The following OR6B2 variants were observed in gnomAD, a reference collection of about 807,000 sequenced individuals.
OR6B2 encodes the protein olfactory receptor 6B2.
For missense variants in OR6B2, 275 were observed against 386.8 expected (o/e 0.71, Z 2.42); for synonymous variants, 155 against 171.5 (o/e 0.90, Z 0.75).
rs774621818 is a variant in OR6B2, at chr2:240,030,405, C to T, written c.25G>A (p.Val9Ile). 5.9e-5 allele frequency: 95 copies of T among 1,609,654 alleles called. No homozygotes were observed. The highest frequency in any genetic ancestry group is 7.9e-5 in the Non-Finnish European group (93 of 1,176,124). ...AGGCCCACCAGGATGAAGGTGCTGA[C>T]CTTGGTGACATTCTCCCCACTCATG... Reference protein sequence around the residue: MSGENVTKVSTFILVGLPT... With the variant: MSGENVTKISTFILVGLPT... The change falls in exon 1 of 1, where the codon GTC becomes ATC. Residue 9 changes from valine (V) to isoleucine (I), a missense_variant. By Grantham distance (29) the Val-to-Ile change is conservative (BLOSUM62 3). Transcript: ENST00000319423.
In OR6B2 at chr2:240,030,070, G is replaced by A. The variant is rs756910585; in HGVS notation, c.360C>T (p.Tyr120=). The change falls in exon 1 of 1, where the codon TAC becomes TAT. Residue 120 remains tyrosine (Y), a synonymous_variant. Coordinates refer to ENST00000319423, the MANE Select transcript of OR6B2 (RefSeq NM_001005853.1). ...GGTGGCAGATGGCCACGTAGCGGTC[G>A]TAGGCCATGGAGGCCAGAAGCACAC... ...TECVLLASMA[Y]DRYVAICHPL... is the part of the protein sequence containing the mutation. The A allele has an allele frequency of 1.7e-5, 24 of 1,449,082 alleles. No homozygotes were observed. Among genetic ancestry groups the A allele is most frequent in the African/African-American group, 7.0e-5 (5 of 71,528 alleles). The allele number at this position is 1,449,082 out of a possible 1,614,324, so 89.8% of individuals were successfully genotyped here.
chr2:240,029,942 A>G lies in OR6B2; in HGVS notation c.488T>C (p.Ile163Thr), dbSNP rs549288344. 1.2e-4 allele frequency: 178 copies of G among 1,441,302 alleles called. 6 individuals are homozygous for G. The South Asian group carries it at 2.1e-3, about 17-fold the overall frequency. The allele number at this position is 1,441,302 out of a possible 1,614,324, so 89.3% of individuals were successfully genotyped here. A position where few individuals can be genotyped will look rare whatever the true frequency, so the allele number is the denominator to read the frequency against. The change falls in exon 1 of 1, where the codon ATC becomes ACC. Residue 163 changes from isoleucine to threonine, a missense_variant. Ile to Thr is a moderately conservative substitution (Grantham distance 89). Coordinates refer to ENST00000319423, the MANE Select transcript of OR6B2 (RefSeq NM_001005853.1). This position sits in a 1 kb window ranked among gnomAD's most constrained non-coding sequence, Gnocchi z 5.2. Reference sequence around the variant, plus strand: ...GGAGCCACAGAACGTGACGCTGGAGATAAAACAGACCTTGATCATGGAGAT... The same window carrying G: ...GGAGCCACAGAACGTGACGCTGGAGGTAAAACAGACCTTGATCATGGAGAT... ...FTISMIKVCF[I>T]SSVTFCGSNV...
rs770553143 is a variant in OR6B2, at chr2:240,029,913, C to T, written c.517G>A (p.Val173Ile). ...ATGTCACAGAAGAAGTGGTTCAAGA[C>T]GTTGGAGCCACAGAACGTGACGCTG... The part of the protein sequence containing the change: ...ISSVTFCGSN[V>I]LNHFFCDISP... The change falls in exon 1 of 1, where the codon GTC (valine) becomes ATC (isoleucine). Residue 173 changes from valine to isoleucine, a missense_variant. Coordinates refer to ENST00000319423, the MANE Select transcript of OR6B2 (RefSeq NM_001005853.1). The surrounding 1 kb of genome is among the most constrained non-coding windows in gnomAD (Gnocchi z 5.2). 3.4e-5 allele frequency: 49 copies of T among 1,447,570 alleles called. No individual in the cohort carries two copies. In the East Asian group the frequency reaches 5.0e-4, roughly 15 times the overall value. 89.7% of individuals were successfully genotyped at this position (1,447,570 alleles called of 1,614,324 possible).
Position 240,029,794 on chromosome 2 carries a change from C to G in OR6B2, c.636G>C (p.Leu212=). The change falls in exon 1 of 1, where the codon CTG becomes CTC. Residue 212 remains leucine (L), a synonymous_variant. Transcript: ENST00000319423. The surrounding 1 kb of genome is among the most constrained non-coding windows in gnomAD (Gnocchi z 5.2). ...TGTGCCAATATGACAGTATGGTGGC[C>G]AGGAGCGGAAACACCAGGATGATGA... The part of the protein sequence containing the change: ...LAFIILVFPL[L]ATILSYWHIT... The G allele has an allele frequency of 6.2e-7, 1 of 1,611,642 alleles. No homozygotes were observed. The highest frequency in any genetic ancestry group is 8.5e-7 in the Non-Finnish European group (1 of 1,177,728).
Position 240,030,227 on chromosome 2 carries a change from A to C in OR6B2, c.203T>G (p.Phe68Cys). Residue 68 changes from phenylalanine to cysteine, a missense_variant, in exon 1 of 1, where the codon TTC (phenylalanine) becomes TGC (cysteine). By Grantham distance (205) the Phe-to-Cys change is radical. Transcript: ENST00000319423. ...GTCAGACACGTACCAGATCTCCAGG[A>C]AAGACATGGAGCTCAGAAAGTAGTA... Reference protein sequence around the residue: ...PMYYFLSSMSFLEIWYVSDIT... With the variant: ...PMYYFLSSMSCLEIWYVSDIT... 6.2e-7 allele frequency: 1 copy of C among 1,613,650 alleles called. No homozygotes were observed. Among genetic ancestry groups the C allele is most frequent in the African/African-American group, 1.3e-5 (1 of 75,030 alleles).
At position 240,030,061 on chromosome 2, in the gene OR6B2, G is replaced by A. The variant is rs765428596; in HGVS notation, c.369C>T (p.Tyr123=). 1.6e-5 allele frequency: 23 copies of A among 1,439,516 alleles called. No homozygotes were observed. Among genetic ancestry groups the A allele is most frequent in the East Asian group, 4.6e-5 (2 of 43,902 alleles). 89.2% of individuals were successfully genotyped at this position (1,439,516 alleles called of 1,614,324 possible). A position where few individuals can be genotyped will look rare whatever the true frequency, so the allele number is the denominator to read the frequency against. Reference sequence around the variant, plus strand: ...AGCGCAGCGGGTGGCAGATGGCCACGTAGCGGTCGTAGGCCATGGAGGCCA... The same window carrying A: ...AGCGCAGCGGGTGGCAGATGGCCACATAGCGGTCGTAGGCCATGGAGGCCA... ...VLLASMAYDR[Y]VAICHPLRYH... The change falls in exon 1 of 1, where the codon TAC becomes TAT. Residue 123 remains tyrosine (Y), a synonymous_variant. Coordinates refer to ENST00000319423, the MANE Select transcript of OR6B2 (RefSeq NM_001005853.1).
rs779659917 is a variant in OR6B2, at chr2:240,030,099, C to T, written c.331G>A (p.Glu111Lys). 45 of 1,494,612 alleles carry T rather than the reference C, an allele frequency of 3.0e-5. No homozygotes were observed. The highest frequency in any genetic ancestry group is 2.4e-4 in the African/African-American group (17 of 72,262). The allele number at this position is 1,494,612 out of a possible 1,614,324, so 92.6% of individuals were successfully genotyped here. ...LYFFSSLVCT[E>K]CVLLASMAYD... Reference sequence around the variant, plus strand: ...GCCATGGAGGCCAGAAGCACACACTCGGTGCACACCAGGGAGCTGAAGAAG... The same window carrying T: ...GCCATGGAGGCCAGAAGCACACACTTGGTGCACACCAGGGAGCTGAAGAAG... Residue 111 changes from glutamate (E) to lysine (K), a missense_variant, in exon 1 of 1, where the codon GAG (glutamate) becomes AAG (lysine). By Grantham distance (56) the Glu-to-Lys change is moderately conservative. Transcript: ENST00000319423.
rs748708084 is a variant in OR6B2, at chr2:240,030,034, G to A, written c.396C>T (p.Tyr132=). Residue 132 remains tyrosine, a synonymous_variant, in exon 1 of 1, where the codon TAC becomes TAT. Coordinates refer to ENST00000319423, the MANE Select transcript of OR6B2 (RefSeq NM_001005853.1). ...RYVAICHPLR[Y]HVLVTPGLCL... is the part of the protein sequence containing the mutation. Reference sequence around the variant, plus strand: ...ACAGCCCCGGGGTCACAAGGACGTGGTAGCGCAGCGGGTGGCAGATGGCCA... The same window carrying A: ...ACAGCCCCGGGGTCACAAGGACGTGATAGCGCAGCGGGTGGCAGATGGCCA... 31 of 1,400,134 alleles carry A rather than the reference G, an allele frequency of 2.2e-5. 1 individual carries two copies. In the South Asian group the frequency reaches 3.2e-4, roughly 14 times the overall value. 86.7% of individuals were successfully genotyped at this position (1,400,134 alleles called of 1,614,324 possible). A position where few individuals can be genotyped will look rare whatever the true frequency, so the allele number is the denominator to read the frequency against.
rs1559423238 is a variant in OR6B2, at chr2:240,029,778, A to G, written c.652T>C (p.Tyr218His). The G allele has an allele frequency of 1.2e-6, 2 of 1,609,502 alleles. No homozygotes were observed. Among genetic ancestry groups the G allele is most frequent in the Non-Finnish European group, 1.7e-6 (2 of 1,175,772 alleles). The change falls in exon 1 of 1, where the codon TAT (tyrosine) becomes CAT (histidine). Residue 218 changes from tyrosine (Y) to histidine (H), a missense_variant. Coordinates refer to ENST00000319423, the MANE Select transcript of OR6B2 (RefSeq NM_001005853.1). This position sits in a 1 kb window ranked among gnomAD's most constrained non-coding sequence, Gnocchi z 5.2. Reference protein sequence around the residue: ...VFPLLATILSYWHITLAVLRI... With the variant: ...VFPLLATILSHWHITLAVLRI... Reference sequence around the variant, plus strand: ...AGGACAGCCAGGGTGATGTGCCAATATGACAGTATGGTGGCCAGGAGCGGA... The same window carrying G: ...AGGACAGCCAGGGTGATGTGCCAATGTGACAGTATGGTGGCCAGGAGCGGA...
Position 240,029,841 on chromosome 2 carries a change from G to C in OR6B2, c.589C>G (p.Leu197Val), listed in dbSNP as rs377051293. ...ATGAAGGCCAGGATGAAATCCACCA[G>C]CTCTGCAGTGGAGAAGTCCGTGCAG... The part of the protein sequence containing the change: ...LACTDFSTAE[L>V]VDFILAFIIL... Residue 197 changes from leucine (L) to valine (V), a missense_variant, in exon 1 of 1, where the codon CTG (leucine) becomes GTG (valine). Coordinates refer to ENST00000319423, the MANE Select transcript of OR6B2 (RefSeq NM_001005853.1). This position sits in a 1 kb window ranked among gnomAD's most constrained non-coding sequence, Gnocchi z 5.2. The C allele has an allele frequency of 6.2e-7, 1 of 1,610,802 alleles. No homozygotes were observed. The highest frequency in any genetic ancestry group is 1.3e-5 in the African/African-American group (1 of 74,866).
At position 240,030,108 on chromosome 2, in the gene OR6B2, C is replaced by T. The variant is rs1206023406; in HGVS notation, c.322G>A (p.Val108Met). 1 of 1,518,230 alleles carries T rather than the reference C, an allele frequency of 6.6e-7. No individual in the cohort carries two copies. Among genetic ancestry groups the T allele is most frequent in the African/African-American group, 1.4e-5 (1 of 72,708 alleles). 94.0% of individuals were successfully genotyped at this position (1,518,230 alleles called of 1,614,324 possible). A position where few individuals can be genotyped will look rare whatever the true frequency, so the allele number is the denominator to read the frequency against. ...GCCAGAAGCACACACTCGGTGCACA[C>T]CAGGGAGCTGAAGAAGTAGAGCTGC... The part of the protein sequence containing the change: ...MTQLYFFSSL[V>M]CTECVLLASM... The change falls in exon 1 of 1, where the codon GTG becomes ATG. Residue 108 changes from valine (V) to methionine (M), a missense_variant. Coordinates refer to ENST00000319423, the MANE Select transcript of OR6B2 (RefSeq NM_001005853.1).
At position 240,030,269 on chromosome 2, in the gene OR6B2, G is replaced by A. The variant is rs772067442; in HGVS notation, c.161C>T (p.Ser54Phe). The A allele has an allele frequency of 1.9e-6, 3 of 1,613,932 alleles. No individual in the cohort carries two copies. The South Asian group carries it at 3.3e-5, about 18-fold the overall frequency. The change falls in exon 1 of 1, where the codon TCC becomes TTC. Residue 54 changes from serine (S) to phenylalanine (F), a missense_variant. Transcript: ENST00000319423. ...AIILIVWSST[S>F]LHRPMYYFLS... is the part of the protein sequence containing the mutation. ...AAAGTAGTACATGGGCCTGTGGAGGGAGGTGCTGCTCCAGACGATGAGGAT... is the reference window on the plus strand; with the variant it reads ...AAAGTAGTACATGGGCCTGTGGAGGAAGGTGCTGCTCCAGACGATGAGGAT...
rs867978560 is a variant in OR6B2 at position 240,029,987 on chromosome 2, G to A, written c.443C>T (p.Ser148Phe). ...PGLCLQLVGF[S>F]FVSGFTISMI... ...GGAGATGGTGAAGCCACTCACAAAG[G>A]AGAAGCCCACCAGCTGGAGGCACAG... Residue 148 changes from serine (S) to phenylalanine (F), a missense_variant, in exon 1 of 1, where the codon TCC (serine) becomes TTC (phenylalanine). Physicochemically the swap from Ser to Phe is radical, Grantham distance 155. Transcript: ENST00000319423. This position sits in a 1 kb window ranked among gnomAD's most constrained non-coding sequence, Gnocchi z 5.2. 17 of 1,364,030 alleles carry A rather than the reference G, an allele frequency of 1.2e-5. No individual in the cohort carries two copies. The highest frequency in any genetic ancestry group is 1.8e-5 in the Admixed American group (1 of 55,446). The allele number at this position is 1,364,030 out of a possible 1,614,324, so 84.5% of individuals were successfully genotyped here.
rs1253332246 is a variant in OR6B2, at chr2:240,029,804, A to C, written c.626T>G (p.Phe209Cys). Residue 209 changes from phenylalanine (F) to cysteine (C), a missense_variant, in exon 1 of 1, where the codon TTT (phenylalanine) becomes TGT (cysteine). Coordinates refer to ENST00000319423, the MANE Select transcript of OR6B2 (RefSeq NM_001005853.1). This position sits in a 1 kb window ranked among gnomAD's most constrained non-coding sequence, Gnocchi z 5.2. ...TGACAGTATGGTGGCCAGGAGCGGAAACACCAGGATGATGAAGGCCAGGAT... is the reference window on the plus strand; with the variant it reads ...TGACAGTATGGTGGCCAGGAGCGGACACACCAGGATGATGAAGGCCAGGAT... ...DFILAFIILVFPLLATILSYW... is the reference protein window; with the variant it reads ...DFILAFIILVCPLLATILSYW... 1.2e-6 allele frequency: 2 copies of C among 1,612,582 alleles called. No homozygotes were observed. The highest frequency in any genetic ancestry group is 3.3e-5 in the Admixed American group (2 of 60,026).
At position 240,029,965 on chromosome 2, in the gene OR6B2, G is replaced by A. The variant is rs765103561; in HGVS notation, c.465C>T (p.Ile155=). The change falls in exon 1 of 1, where the codon ATC becomes ATT. Residue 155 remains isoleucine, a synonymous_variant. Coordinates refer to ENST00000319423, the MANE Select transcript of OR6B2 (RefSeq NM_001005853.1). This position sits in a 1 kb window ranked among gnomAD's most constrained non-coding sequence, Gnocchi z 5.2. ...AGATAAAACAGACCTTGATCATGGAGATGGTGAAGCCACTCACAAAGGAGA... is the reference window on the plus strand; with the variant it reads ...AGATAAAACAGACCTTGATCATGGAAATGGTGAAGCCACTCACAAAGGAGA... ...VGFSFVSGFT[I]SMIKVCFISS... 1.4e-6 allele frequency: 2 copies of A among 1,394,044 alleles called. No homozygotes were observed. Among genetic ancestry groups the A allele is most frequent in the Non-Finnish European group, 2.0e-6 (2 of 986,352 alleles). The allele number at this position is 1,394,044 out of a possible 1,614,324, so 86.4% of individuals were successfully genotyped here.
chr2:240,030,293 A>T lies in OR6B2; in HGVS notation c.137T>A (p.Ile46Asn). ...LFVLVENLAI[I>N]LIVWSSTSLH... ...GGAGGTGCTGCTCCAGACGATGAGG[A>T]TGATGGCCAGGTTCTCCACCAGGAC... The change falls in exon 1 of 1, where the codon ATC becomes AAC. Residue 46 changes from isoleucine (I) to asparagine (N), a missense_variant. Ile to Asn is a moderately radical substitution (Grantham distance 149, BLOSUM62 -3). Coordinates refer to ENST00000319423, the MANE Select transcript of OR6B2 (RefSeq NM_001005853.1). 1.2e-6 allele frequency: 2 copies of T among 1,613,912 alleles called. No homozygotes were observed. The highest frequency in any genetic ancestry group is 1.7e-6 in the Non-Finnish European group (2 of 1,179,810).
rs1227248584 is a variant in OR6B2 at position 240,029,671 on chromosome 2, T to C, written c.759A>G (p.Thr253=). 3.1e-6 allele frequency: 5 copies of C among 1,613,222 alleles called. No homozygotes were observed. Among genetic ancestry groups the C allele is most frequent in the Non-Finnish European group, 4.2e-6 (5 of 1,179,168 alleles). ...SHLTVVTVFY[T]ALLFMYVRPQ... is the part of the protein sequence containing the mutation. Reference sequence around the variant, plus strand: ...GCCGGACATACATGAAAAGCAAGGCTGTATAGAAGACGGTGACCACGGTGA... The same window carrying C: ...GCCGGACATACATGAAAAGCAAGGCCGTATAGAAGACGGTGACCACGGTGA... The change falls in exon 1 of 1, where the codon ACA becomes ACG. Residue 253 remains threonine, a synonymous_variant. Coordinates refer to ENST00000319423, the MANE Select transcript of OR6B2 (RefSeq NM_001005853.1). The surrounding 1 kb of genome is among the most constrained non-coding windows in gnomAD (Gnocchi z 5.2).
Position 240,029,644 on chromosome 2 carries a change from G to T in OR6B2, c.786C>A (p.Pro262=), listed in dbSNP as rs1159921405. The change falls in exon 1 of 1, where the codon CCC becomes CCA. Residue 262 remains proline (P), a synonymous_variant. Transcript: ENST00000319423. The surrounding 1 kb of genome is among the most constrained non-coding windows in gnomAD (Gnocchi z 5.2). ...TGGAGCTCTGGGAATCAATGGCTTG[G>T]GGCCGGACATACATGAAAAGCAAGG... is the stretch of plus-strand genomic sequence containing the variant. ...YTALLFMYVR[P]QAIDSQSSNK... 6.3e-7 allele frequency: 1 copy of T among 1,594,648 alleles called. No homozygotes were observed. Among genetic ancestry groups the T allele is most frequent in the Admixed American group, 1.7e-5 (1 of 60,010 alleles).
In OR6B2 at chr2:240,030,256, G is replaced by T. The variant is rs1012722773; in HGVS notation, c.174C>A (p.Pro58=). The change falls in exon 1 of 1, where the codon CCC becomes CCA. Residue 58 remains proline (P), a synonymous_variant. Coordinates refer to ENST00000319423, the MANE Select transcript of OR6B2 (RefSeq NM_001005853.1). ...IVWSSTSLHR[P]MYYFLSSMSF... ...ACATGGAGCTCAGAAAGTAGTACAT[G>T]GGCCTGTGGAGGGAGGTGCTGCTCC... The T allele has an allele frequency of 3.7e-6, 6 of 1,613,718 alleles. No homozygotes were observed. The highest frequency in any genetic ancestry group is 4.2e-6 in the Non-Finnish European group (5 of 1,179,746).
Sources: allele counts gnomAD v4.1 joint callset, GRCh38; gene constraint gnomAD v4.1.1; non-coding constraint Gnocchi (gnomAD v3.1); transcripts MANE v1.5; gene names NCBI Gene and HGNC (gene_info 2026-07-23, HGNC 2026-07-21).